The following CADPS2 variants were observed in gnomAD, a reference collection of about 807,000 sequenced individuals.
CADPS2 encodes calcium dependent secretion activator 2, also known as calcium-dependent secretion activator 2.
CADPS2 carries 93 observed loss-of-function variants against 172.5 expected under a neutral mutation model. The ratio of observed to expected loss-of-function variants is 0.54; its 90% CI spans 0.46 to 0.64. The LOEUF (loss-of-function observed/expected upper bound fraction) is 0.64, where lower values mean the gene tolerates loss of function less well. Among genes scored for constraint, CADPS2 ranks in the 30% least tolerant of loss-of-function variants. CADPS2 has a pLI of 0.00. For missense variants in CADPS2, 1,420 were observed against 1,565.9 expected, an observed-to-expected ratio of 0.91 and a Z score of 1.57; for synonymous variants, 546 against 555.2, an observed-to-expected ratio of 0.98 and a Z score of 0.23.
intron 1 of CADPS2, among the ~76,000 whole-genome samples, chr7:122,747,480 C>A (rs2092766354): frequency 6.6e-6 from 1 of 152,040 alleles, no homozygotes; most frequent in Non-Finnish European, 1.5e-5. Context: ...CCTTGACTAC[C>A]CTTAATATAT....
intron 1 of CADPS2, among the ~76,000 whole-genome samples, chr7:122,820,550 TTTTTTG>T (rs1258178509): frequency 0.011 from 1,220 of 115,006 alleles, 71 homozygotes; most frequent in African/African-American, 0.03. Flanking sequence ...CTGTTTTTTG[TTTTTTG>T]TTTTTTTTTT....
At chr7:122,624,104 A>G (rs557372311) in intron 4 of CADPS2, among the ~76,000 whole-genome samples, 34 of 152,294 alleles carry the variant, frequency 2.2e-4, no homozygotes, top group African/African-American at 7.7e-4. Context: ...TAAAGCTTTG[A>G]GGTTTATTGA....
intron 6 of CADPS2, among the ~76,000 whole-genome samples, chr7:122,598,102 C>A (rs1324420601): frequency 6.6e-6 from 1 of 151,928 alleles, no homozygotes; most frequent in Non-Finnish European, 1.5e-5. Context: ...AATATATTTT[C>A]TAGCAATTGT....
At chr7:122,645,326 C>CAT (rs200038957) in intron 3 of CADPS2, among the ~76,000 whole-genome samples, 1 of 101,550 alleles carries the variant, frequency 9.8e-6, no homozygotes, top group East Asian at 2.4e-4. Context: ...TATACATGTA[C>CAT]ATATATACAC....
intron 6 of CADPS2, among the ~76,000 whole-genome samples, chr7:122,605,787 CATTT>C (rs2073444025): frequency 6.6e-6 from 1 of 151,958 alleles, no homozygotes; most frequent in African/African-American, 2.4e-5. Flanking sequence ...TAAATAAATA[CATTT>C]ATTAGATATG....
intron 20 of CADPS2, 49 bp from the exon 21 acceptor site, chr7:122,393,631 C>T (rs762884550): frequency 6.2e-7 from 1 of 1,606,738 alleles, no homozygotes; most frequent in East Asian, 2.2e-5. Flanking sequence ...TAATATCAGA[C>T]ATTTGGAAAA....
chr7:122,419,541 C>T (rs369502593), intron 17 of CADPS2, among the ~76,000 whole-genome samples: 1 of 152,146 alleles, frequency 6.6e-6, no homozygotes, highest in East Asian at 1.9e-4. Flanking sequence ...AAATTATGTA[C>T]TAATTTTTGT....
chr7:122,718,339 T>C (rs1239141534), intron 2 of CADPS2, among the ~76,000 whole-genome samples: 2 of 151,082 alleles, frequency 1.3e-5, no homozygotes, highest in African/African-American at 2.4e-5. Context: ...GAAGAGGATG[T>C]GGGAGGGGCA....
chr7:122,839,591 C>G (rs1356816626), intron 1 of CADPS2, among the ~76,000 whole-genome samples: 1 of 152,074 alleles, frequency 6.6e-6, no homozygotes, highest in Non-Finnish European at 1.5e-5. Context: ...AGGAAAAAAA[C>G]AAACAACCCC....
intron 9 of CADPS2, among the ~76,000 whole-genome samples, chr7:122,510,439 G>C (rs1419952820): frequency 6.6e-6 from 1 of 152,128 alleles, no homozygotes; most frequent in East Asian, 1.9e-4. Context: ...GTTTACATGA[G>C]AGTCTTTGAA....
intron 6 of CADPS2, among the ~76,000 whole-genome samples, chr7:122,592,153 CA>C (rs1353253976): frequency 6.6e-6 from 1 of 152,122 alleles, no homozygotes; most frequent in East Asian, 1.9e-4. Context: ...AAAAAACAAA[CA>C]ACCCCATCAC....
At chr7:122,611,475 C>T (rs2074285095) in intron 6 of CADPS2, among the ~76,000 whole-genome samples, 1 of 151,944 alleles carries the variant, frequency 6.6e-6, no homozygotes, top group Non-Finnish European at 1.5e-5. Flanking sequence ...ATGGCATTAA[C>T]TTTTAATGGC....
intron 1 of CADPS2, among the ~76,000 whole-genome samples, chr7:122,863,404 A>G (rs1160257188): frequency 6.6e-6 from 1 of 152,232 alleles, no homozygotes; most frequent in Non-Finnish European, 1.5e-5. Flanking sequence ...CATGCATTTC[A>G]GAATTTCTAG....
chr7:122,849,997 TG>T, intron 1 of CADPS2: 1 of 767,822 alleles, frequency 1.3e-6, no homozygotes, highest in Non-Finnish European at 1.9e-6. Context: ...CCCCCAAGCC[TG>T]CCTAGGCTGG....
chr7:122,530,344 CAAG>C (rs2061652700), intron 8 of CADPS2, among the ~76,000 whole-genome samples: 1 of 144,420 alleles, frequency 6.9e-6, no homozygotes. Flanking sequence ...CACTAGCTTT[CAAG>C]TTAATTAAGC....
chr7:122,348,984 C>A (rs75545320), intron 27 of CADPS2, among the ~76,000 whole-genome samples: 185 of 152,220 alleles, frequency 1.2e-3, no homozygotes, highest in Non-Finnish European at 2.1e-3. Context: ...AAAATTTACA[C>A]ACCGAAAGTC....
intron 3 of CADPS2, among the ~76,000 whole-genome samples, chr7:122,640,509 A>AG (rs2077508071): frequency 2.0e-5 from 3 of 151,288 alleles, no homozygotes; most frequent in African/African-American, 4.8e-5. Flanking sequence ...AGAGAGAGAG[A>AG]GAGAAAAAAA....
chr7:122,729,280 T>G (rs1047953691), intron 2 of CADPS2, among the ~76,000 whole-genome samples: 1 of 151,858 alleles, frequency 6.6e-6, no homozygotes, highest in Non-Finnish European at 1.5e-5. Context: ...GATAGACACT[T>G]AGGTTGATTC....
rs374338750 is a variant in CADPS2, at chr7:122,621,458, G to A, written c.1104+23C>T. ...CATCATCATTTATGCTGTCAGAGGT[G>A]AGCATGAGATAAAGCTACTTACCTC... On this transcript the variant is annotated intron_variant, in intron 5 of 29. Transcript: ENST00000449022. The A allele has an allele frequency of 4.2e-6, 6 of 1,432,902 alleles. No homozygotes were observed. In the African/African-American group the frequency reaches 4.2e-5, roughly 10 times the overall value. The allele number at this position is 1,432,902 out of a possible 1,614,324, so 88.8% of individuals were successfully genotyped here. A position where few individuals can be genotyped will look rare whatever the true frequency, so the allele number is the denominator to read the frequency against.
Sources: allele counts gnomAD v4.1 joint callset (sites outside exome capture counted in the v4.1 genomes callset), GRCh38; gene constraint gnomAD v4.1.1; transcripts MANE v1.5; gene names NCBI Gene and HGNC (gene_info 2026-07-23, HGNC 2026-07-21).